Variants in PTPRK observed in about 807,000 individuals in gnomAD.
The protein encoded by PTPRK is receptor-type tyrosine-protein phosphatase kappa.
PTPRK carries 75 observed loss-of-function variants against 178.0 expected under a neutral mutation model. The ratio of observed to expected loss-of-function variants is 0.42; its 90% CI spans 0.35 to 0.51. PTPRK has a LOEUF of 0.51. Among genes scored for constraint, PTPRK ranks in the 20% least tolerant of loss-of-function variants. The pLI, the probability that PTPRK is intolerant of heterozygous loss-of-function variation, is 0.02. For missense variants in PTPRK, 1,441 were observed against 1,797.8 expected (o/e 0.80, Z 3.59); for synonymous variants, 637 against 620.6 (o/e 1.03, Z -0.39).
intron 1 of PTPRK, chr6:128,491,620 T>G: frequency 2.7e-6 from 1 of 376,472 alleles, no homozygotes. Flanking sequence ...AAGACTGTGG[T>G]GAGAATATGA....
chr6:128,068,600 T>C (rs1326276583), intron 11 of PTPRK, among the ~76,000 whole-genome samples: 1 of 151,860 alleles, frequency 6.6e-6, no homozygotes, highest in Non-Finnish European at 1.5e-5. Context: ...AAAATAAAGA[T>C]CCCCCGGATA....
rs1258585109 is a variant in PTPRK at position 128,087,834 on chromosome 6, G to C, written c.1465+1856C>G. 3.3e-5 allele frequency among the ~76,000 whole-genome samples: 5 copies of C among 152,174 alleles called. No individual in the cohort carries two copies. The East Asian group carries it at 9.7e-4, about 29-fold the overall frequency. On this transcript the variant is annotated intron_variant, in intron 8 of 29. Transcript: ENST00000368226. ...TTCCTTCAAATTTTGAGCTAAATGTGGTTAAAGGGCTCTCACTTCTCTTAT... is the reference window on the plus strand; with the variant it reads ...TTCCTTCAAATTTTGAGCTAAATGTCGTTAAAGGGCTCTCACTTCTCTTAT...
At chr6:128,188,970 C>A (rs1469795686) in intron 6 of PTPRK, among the ~76,000 whole-genome samples, 1 of 152,106 alleles carries the variant, frequency 6.6e-6, no homozygotes, top group African/African-American at 2.4e-5. Flanking sequence ...CTTAATCACA[C>A]CTGCAAACAT....
intron 2 of PTPRK, among the ~76,000 whole-genome samples, chr6:128,348,604 T>G (rs1429722326): frequency 6.6e-6 from 1 of 152,088 alleles, no homozygotes; most frequent in African/African-American, 2.4e-5. Context: ...ATATTTTAGT[T>G]TGTTAACAAA....
At chr6:128,219,228 C>T in intron 5 of PTPRK, 132 bp from the exon 6 acceptor site, 1 of 842,712 alleles carries the variant, frequency 1.2e-6, no homozygotes, top group African/African-American at 1.7e-5. Context: ...CATTGTCAAT[C>T]AGGAAAAGAA....
In PTPRK at chr6:128,397,579, G is replaced by A. The variant is rs907625281; in HGVS notation, c.210C>T (p.Pro70=). 3.1e-6 allele frequency: 5 copies of A among 1,613,602 alleles called. No individual in the cohort carries two copies. Among genetic ancestry groups the A allele is most frequent in the Non-Finnish European group, 3.4e-6 (4 of 1,179,906 alleles). The change falls in exon 2 of 30, where the codon CCC becomes CCT. Residue 70 remains proline (P), a synonymous_variant. Coordinates refer to ENST00000368226, the MANE Select transcript of PTPRK (RefSeq NM_002844.4). ...VSAQEPHYLP[P]EMPQGSYMIV... The stretch of plus-strand genomic sequence containing the variant: ...AGTGACTCTCACCTTGGGGCATCTC[G>A]GGTGGTAGATAATGAGGCTCTTGAG...
At chr6:128,205,411 T>G (rs904448736) in intron 6 of PTPRK, among the ~76,000 whole-genome samples, 6 of 152,054 alleles carry the variant, frequency 3.9e-5, no homozygotes, top group Non-Finnish European at 5.9e-5. Context: ...CATGTACCCC[T>G]GAACTTAAAA....
chr6:128,442,436 T>C (rs1286140451), intron 1 of PTPRK, among the ~76,000 whole-genome samples: 2 of 152,132 alleles, frequency 1.3e-5, no homozygotes, highest in Non-Finnish European at 2.9e-5. Flanking sequence ...GTAAACTATT[T>C]TTCAAATAGG....
intron 3 of PTPRK, among the ~76,000 whole-genome samples, chr6:128,260,245 A>G (rs985053307): frequency 2.0e-5 from 3 of 152,116 alleles, no homozygotes; most frequent in Non-Finnish European, 4.4e-5. Context: ...ACAGGCTTAT[A>G]GCAGAGGAGT....
chr6:127,985,553 T>C (rs985208103), intron 22 of PTPRK, among the ~76,000 whole-genome samples, 168 bp downstream of exon 22: 2 of 152,238 alleles, frequency 1.3e-5, no homozygotes, highest in African/African-American at 4.8e-5. Flanking sequence ...TCCTGTTTTA[T>C]AGACTACTTA....
intron 7 of PTPRK, among the ~76,000 whole-genome samples, chr6:128,119,293 C>T (rs1004039385): frequency 2.0e-5 from 3 of 151,446 alleles, no homozygotes; most frequent in Non-Finnish European, 4.4e-5. Context: ...ATTTACATTC[C>T]TTTGATTCCT....
chr6:128,497,042 G>C (rs906604894), intron 1 of PTPRK, among the ~76,000 whole-genome samples: 7 of 152,088 alleles, frequency 4.6e-5, no homozygotes, highest in African/African-American at 1.7e-4. Context: ...ATAACTCTAA[G>C]CCAAAACCCT....
intron 1 of PTPRK, among the ~76,000 whole-genome samples, chr6:128,478,713 C>T (rs1851677038): frequency 6.6e-6 from 1 of 151,900 alleles, no homozygotes; most frequent in African/African-American, 2.4e-5. Context: ...TTTTCACTTG[C>T]CCATATCAGA....
intron 2 of PTPRK, among the ~76,000 whole-genome samples, chr6:128,367,876 G>A (rs1835737674): frequency 6.6e-6 from 1 of 152,164 alleles, no homozygotes; most frequent in Non-Finnish European, 1.5e-5. Context: ...TTGAGAGTTT[G>A]AGAGAGCCTT....
In PTPRK at chr6:128,520,403, G is replaced by C. The variant is rs143665863; in HGVS notation, c.-45C>G. 3.4e-4 allele frequency: 518 copies of C among 1,537,992 alleles called. 3 individuals are homozygous for C. In the South Asian group the frequency reaches 4.6e-3, roughly 14 times the overall value. On this transcript the variant is annotated 5_prime_UTR_variant, in exon 1 of 30. Coordinates refer to ENST00000368226, the MANE Select transcript of PTPRK (RefSeq NM_002844.4). ...TCAAGCAGCTTTGCAAAGAGCTGCC[G>C]GGGGGATCGCCGCGAAATCCACGAC... is the stretch of plus-strand genomic sequence containing the variant.
chr6:128,092,551 G>T (rs558587804), intron 7 of PTPRK, among the ~76,000 whole-genome samples: 1 of 152,098 alleles, frequency 6.6e-6, no homozygotes, highest in African/African-American at 2.4e-5. Flanking sequence ...ATACACATAT[G>T]CAGTACATAC....
chr6:128,276,248 T>C (rs1258668474), intron 3 of PTPRK, among the ~76,000 whole-genome samples: 1 of 152,100 alleles, frequency 6.6e-6, no homozygotes, highest in African/African-American at 2.4e-5. Context: ...TGTCTACTAA[T>C]AGCATTTACC....
chr6:128,507,931 T>G (rs915175052), intron 1 of PTPRK, among the ~76,000 whole-genome samples: 1 of 152,174 alleles, frequency 6.6e-6, no homozygotes, highest in African/African-American at 2.4e-5. Flanking sequence ...CTTGGCGGAA[T>G]TTTACTATCA....
chr6:128,022,548 C>T (rs1336008043), intron 13 of PTPRK, among the ~76,000 whole-genome samples: 1 of 152,186 alleles, frequency 6.6e-6, no homozygotes, highest in East Asian at 1.9e-4. Context: ...AGTTTCTATG[C>T]ACCTCACTCC....
Sources: allele counts gnomAD v4.1 joint callset (sites outside exome capture counted in the v4.1 genomes callset), GRCh38; gene constraint gnomAD v4.1.1; transcripts MANE v1.5; gene names NCBI Gene and HGNC (gene_info 2026-07-23, HGNC 2026-07-21).